The following STARD13 variants were observed in gnomAD, a reference collection of about 807,000 sequenced individuals.
The protein encoded by STARD13 is stAR-related lipid transfer protein 13.
STARD13 carries 62 observed loss-of-function variants against 106.4 expected under a neutral mutation model. The ratio of observed to expected loss-of-function variants is 0.58; its 90% CI spans 0.48 to 0.72. The LOEUF (loss-of-function observed/expected upper bound fraction) is 0.72, where lower values mean the gene tolerates loss of function less well. Ranked by LOEUF, STARD13 falls within the 30% of genes least tolerant of loss-of-function variation. The probability of loss-of-function intolerance (pLI) is 0.00; values close to 1 mark genes in which losing one functional copy is unlikely to be tolerated. For synonymous variants in STARD13, 565 were observed against 553.0 expected (o/e 1.02, Z -0.31); for missense variants, 1,387 against 1,424.0 (o/e 0.97, Z 0.42).
chr13:33,593,270 T>C, the STARD13 span, among the ~76,000 whole-genome samples: 29 of 152,200 alleles, frequency 1.9e-4, no homozygotes, highest in Non-Finnish European at 5.9e-5. Context: ...CTGCAACCTC[T>C]GCCTCCCGGG....
At chr13:33,449,791 T>C in the STARD13 span, among the ~76,000 whole-genome samples, 3 of 152,148 alleles carry the variant, frequency 2.0e-5, no homozygotes, top group Non-Finnish European at 4.4e-5. Context: ...GTTTTAATTG[T>C]AGTTATCTTT....
chr13:33,410,205 T>C, the STARD13 span, among the ~76,000 whole-genome samples: 2 of 152,326 alleles, frequency 1.3e-5, no homozygotes, highest in East Asian at 3.9e-4. Flanking sequence ...GATGACTAGG[T>C]TAGGTCATTG....
chr13:33,298,133 T>G (rs1434459186), intron 1 of STARD13, among the ~76,000 whole-genome samples: 1 of 127,698 alleles, frequency 7.8e-6, no homozygotes, highest in Non-Finnish European at 1.7e-5. Context: ...TTTTTTTTTT[T>G]TTTTTTTTTT....
chr13:33,200,476 C>T (rs980778625), intron 1 of STARD13, among the ~76,000 whole-genome samples: 1 of 152,312 alleles, frequency 6.6e-6, no homozygotes, highest in South Asian at 2.1e-4. Flanking sequence ...ACTTAAGTTC[C>T]CTGTAGTGAA....
the STARD13 span, among the ~76,000 whole-genome samples, chr13:33,658,777 G>T: frequency 2.0e-5 from 3 of 152,282 alleles, no homozygotes; most frequent in East Asian, 5.8e-4. Context: ...ATGGGAGCTG[G>T]TCACCAGAAA....
At chr13:33,375,480 T>C in the STARD13 span, among the ~76,000 whole-genome samples, 1 of 152,138 alleles carries the variant, frequency 6.6e-6, no homozygotes, top group African/African-American at 2.4e-5. Flanking sequence ...AAATCATACC[T>C]GAGACTGGGT....
In STARD13 at chr13:33,219,518, C is replaced by CAAAAAAAA. The variant is rs55933962; in HGVS notation, c.170-51904_170-51897dup. On this transcript the variant is annotated intron_variant, in intron 1 of 13. Coordinates refer to ENST00000336934, the MANE Select transcript of STARD13 (RefSeq NM_178006.4). ...TGGGCGACAGAGTGAGACTCCTTCT[C>CAAAAAAAA]AAAAAAAAAAAAAAAAAAAAAAAAA... Among the ~76,000 whole-genome samples, 9 of 61,242 alleles carry CAAAAAAAA rather than the reference C, an allele frequency of 1.5e-4. 1 individual carries two copies. Among genetic ancestry groups the CAAAAAAAA allele is most frequent in the African/African-American group, 5.3e-4 (8 of 15,134 alleles). The allele number at this position is 61,242 out of a possible 152,430, so 40.2% of individuals were successfully genotyped here.
the STARD13 span, among the ~76,000 whole-genome samples, chr13:33,574,873 C>T: frequency 5.3e-5 from 8 of 151,088 alleles, no homozygotes; most frequent in South Asian, 1.3e-3. Context: ...GTTATACTCT[C>T]AACCTAAAAT....
At chr13:33,218,243 C>T (rs1049103558) in intron 1 of STARD13, among the ~76,000 whole-genome samples, 9 of 152,158 alleles carry the variant, frequency 5.9e-5, no homozygotes, top group Non-Finnish European at 8.8e-5. Flanking sequence ...AGATTCATTC[C>T]TTATCTATGA....
the STARD13 span, among the ~76,000 whole-genome samples, chr13:33,666,636 T>G: frequency 6.6e-6 from 1 of 151,620 alleles, no homozygotes; most frequent in Non-Finnish European, 1.5e-5. Flanking sequence ...TCACCCAGGC[T>G]GTTGGGTGCA....
intron 1 of STARD13, among the ~76,000 whole-genome samples, chr13:33,338,247 A>G (rs2077918858): frequency 6.6e-6 from 1 of 152,218 alleles, no homozygotes; most frequent in East Asian, 1.9e-4. Context: ...AAAAGGTACT[A>G]AAAGACTGAG....
rs141719053 is a variant in STARD13 at position 33,327,324 on chromosome 13, G to A, written c.124+22966C>T. On this transcript the variant is annotated intron_variant, in intron 1 of 5. Coordinates refer to the STARD13 transcript ENST00000567873. ...ATGCTATTTTGAGTACACTTTAGAC[G>A]TATGTGATTATTATATTTGGTAATT... is the stretch of plus-strand genomic sequence containing the variant. Among the ~76,000 whole-genome samples, 444 of 152,228 alleles carry A rather than the reference G, an allele frequency of 2.9e-3. 1 individual carries two copies. Among genetic ancestry groups the A allele is most frequent in the Non-Finnish European group, 5.3e-3 (358 of 68,012 alleles).
chr13:33,323,605 C>G (rs1893637055), intron 1 of STARD13, among the ~76,000 whole-genome samples: 1 of 152,182 alleles, frequency 6.6e-6, no homozygotes, highest in Admixed American at 6.5e-5. Flanking sequence ...TGGTACTTAG[C>G]TTCTCATTTT....
At chr13:33,596,785 A>C in the STARD13 span, among the ~76,000 whole-genome samples, 1 of 152,136 alleles carries the variant, frequency 6.6e-6, no homozygotes, top group South Asian at 2.1e-4. Context: ...AGAACATGCA[A>C]TATTTGTCTT....
At chr13:33,477,717 C>T in the STARD13 span, among the ~76,000 whole-genome samples, 2 of 152,152 alleles carry the variant, frequency 1.3e-5, no homozygotes, top group Non-Finnish European at 2.9e-5. Flanking sequence ...CCGCATGAAG[C>T]AGCCAGAAAG....
At chr13:33,494,903 T>TA in the STARD13 span, among the ~76,000 whole-genome samples, 1 of 152,026 alleles carries the variant, frequency 6.6e-6, no homozygotes, top group African/African-American at 2.4e-5. Context: ...GTAGAAAACA[T>TA]AAAAACAAAT....
chr13:33,201,077 AAAAAAAT>A (rs892493509), intron 1 of STARD13, among the ~76,000 whole-genome samples: 23 of 140,932 alleles, frequency 1.6e-4, no homozygotes, highest in Non-Finnish European at 2.4e-4. Context: ...AAATAAAAAT[AAAAAAAT>A]AAAAAATAAA....
the STARD13 span, among the ~76,000 whole-genome samples, chr13:33,513,153 T>C: frequency 6.6e-6 from 1 of 152,156 alleles, no homozygotes; most frequent in Admixed American, 6.5e-5. Context: ...GTGCTGACTG[T>C]TGACTTATCT....
At chr13:33,221,268 C>T (rs1234995763) in intron 1 of STARD13, among the ~76,000 whole-genome samples, 2 of 152,142 alleles carry the variant, frequency 1.3e-5, no homozygotes, top group Non-Finnish European at 2.9e-5. Context: ...CCCCTGGAAA[C>T]CACTGTTGGA....
Sources: gnomAD v4.1 joint callset for allele counts (sites outside exome capture counted in the v4.1 genomes callset) on GRCh38, gnomAD v4.1.1 for gene constraint, MANE v1.5 for transcripts, NCBI Gene and HGNC (gene_info 2026-07-23, HGNC 2026-07-21) for gene names.